Variants in NIFK observed in about 807,000 individuals in gnomAD.
NIFK encodes MKI67 FHA domain-interacting nucleolar phosphoprotein.
NIFK carries 16 observed loss-of-function variants against 31.7 expected under a neutral mutation model. The ratio of observed to expected loss-of-function variants is 0.50; its 90% CI spans 0.34 to 0.77. The LOEUF (loss-of-function observed/expected upper bound fraction) is 0.77. NIFK is among the 30% of genes least tolerant of loss of function. The pLI, the probability that NIFK is intolerant of heterozygous loss-of-function variation, is 0.01. For synonymous variants in NIFK, 126 were observed against 123.0 expected (o/e 1.02, Z -0.16); for missense variants, 341 against 350.4 (o/e 0.97, Z 0.21).
Position 121,732,220 on chromosome 2 carries a change from C to T in NIFK, c.244-16G>A, listed in dbSNP as rs761381122. On this transcript the variant is annotated splice_polypyrimidine_tract_variant and intron_variant, in intron 2 of 6. Coordinates refer to ENST00000285814, the MANE Select transcript of NIFK (RefSeq NM_032390.5). ...TATTTCCAGTCTGCAACAGAGAAAC[C>T]GCCACAAAAAGTAGAACAATTAAAT... 2.0e-6 allele frequency: 3 copies of T among 1,478,564 alleles called. No homozygotes were observed. Among genetic ancestry groups the T allele is most frequent in the Non-Finnish European group, 2.8e-6 (3 of 1,063,732 alleles). 91.6% of individuals were successfully genotyped at this position (1,478,564 alleles called of 1,614,324 possible).
chr2:121,731,749 T>C (rs2074542453), intron 3 of NIFK, among the ~76,000 whole-genome samples: 1 of 152,172 alleles, frequency 6.6e-6, no homozygotes, highest in Non-Finnish European at 1.5e-5. Flanking sequence ...TTCACTCCTG[T>C]CCCCTTCACC....
chr2:121,734,654 A>T (rs1423437252), intron 2 of NIFK, among the ~76,000 whole-genome samples: 1 of 152,052 alleles, frequency 6.6e-6, no homozygotes, highest in East Asian at 1.9e-4. Context: ...TTAGCCAGGC[A>T]TGGTGGCAGG....
chr2:121,733,020 T>G (rs2074554978), intron 2 of NIFK, among the ~76,000 whole-genome samples: 1 of 151,828 alleles, frequency 6.6e-6, no homozygotes, highest in East Asian at 1.9e-4. Context: ...AGGCAGAGGT[T>G]GTAGTGAGCT....
chr2:121,733,666 G>A (rs2074559371), intron 2 of NIFK, among the ~76,000 whole-genome samples: 1 of 151,976 alleles, frequency 6.6e-6, no homozygotes, highest in Admixed American at 6.6e-5. Context: ...GGGCGACAGA[G>A]TGAGACTCCG....
rs766181916 is a variant in NIFK at position 121,735,766 on chromosome 2, C to A, written c.106-16G>T. ...GTTTTTTTCGCTAAAGACGTAAAGACCAGGTAAATTAAATATATAAATAAG... is the reference window on the plus strand; with the variant it reads ...GTTTTTTTCGCTAAAGACGTAAAGAACAGGTAAATTAAATATATAAATAAG... On this transcript the variant is annotated splice_polypyrimidine_tract_variant and intron_variant, in intron 1 of 6. Coordinates refer to ENST00000285814, the MANE Select transcript of NIFK (RefSeq NM_032390.5). The A allele has an allele frequency of 3.4e-5, 54 of 1,600,856 alleles. No individual in the cohort carries two copies. The highest frequency in any genetic ancestry group is 4.3e-5 in the Non-Finnish European group (50 of 1,173,972).
intron 1 of NIFK, 119 bp downstream of exon 1, chr2:121,736,627 G>A: frequency 2.5e-6 from 2 of 801,852 alleles, no homozygotes; most frequent in Non-Finnish European, 4.3e-6. Flanking sequence ...AGACCCTGGA[G>A]GTAATGAAGG....
intron 2 of NIFK, among the ~76,000 whole-genome samples, chr2:121,733,229 A>AT (rs1329247234): frequency 6.6e-6 from 1 of 151,934 alleles, no homozygotes; most frequent in Non-Finnish European, 1.5e-5. Context: ...AAATACAAAA[A>AT]TTAGGCCGGG....
chr2:121,731,391 T>C (rs904666111), intron 3 of NIFK, among the ~76,000 whole-genome samples: 1 of 152,218 alleles, frequency 6.6e-6, no homozygotes, highest in Admixed American at 6.5e-5. Flanking sequence ...GGATGCTCTC[T>C]GCACCCTATG....
chr2:121,727,634 A>G lies in NIFK; in HGVS notation c.*90T>C. On this transcript the variant is annotated 3_prime_UTR_variant, in exon 7 of 7. Transcript: ENST00000285814. ...GTATTTTTCCTCTGAAAATCTTGTC[A>G]AAGGTTGTATTCCATTGTACCTAGT... 1 of 1,024,006 alleles carries G rather than the reference A, an allele frequency of 9.8e-7. No individual in the cohort carries two copies. The highest frequency in any genetic ancestry group is 1.5e-6 in the Non-Finnish European group (1 of 677,536). 63.4% of individuals were successfully genotyped at this position (1,024,006 alleles called of 1,614,324 possible). A position where few individuals can be genotyped will look rare whatever the true frequency, so the allele number is the denominator to read the frequency against.
chr2:121,731,077 T>C lies in NIFK; in HGVS notation c.380A>G (p.His127Arg), dbSNP rs758463007. The change falls in exon 4 of 7, where the codon CAT becomes CGT. Residue 127 changes from histidine to arginine, a missense_variant. Physicochemically the swap from His to Arg is conservative, Grantham distance 29. Coordinates refer to ENST00000285814, the MANE Select transcript of NIFK (RefSeq NM_032390.5). ...ECHFMPPEKV[H>R]KELFKDWNIP... is the part of the protein sequence containing the mutation. ...ATTCCAGTCTTTAAAGAGTTCTTTA[T>C]GTACTTTTTCAGGTGGCATAAAATG... 2.5e-6 allele frequency: 4 copies of C among 1,588,554 alleles called. No homozygotes were observed. The highest frequency in any genetic ancestry group is 3.7e-5 in the Admixed American group (2 of 54,258).
chr2:121,728,570 T>A (rs749947742), intron 4 of NIFK, 34 bp from the exon 5 acceptor site: 3 of 1,227,004 alleles, frequency 2.4e-6, no homozygotes, highest in Non-Finnish European at 2.3e-6. Flanking sequence ...GACACTCATA[T>A]CTTTTCTTTC....
intron 2 of NIFK, 130 bp downstream of exon 2, chr2:121,735,483 A>T (rs572981183): frequency 2.0e-6 from 2 of 1,002,540 alleles, no homozygotes; most frequent in Non-Finnish European, 1.5e-6. Context: ...TTCAGATTCT[A>T]AACCTCCTCC....
intron 2 of NIFK, among the ~76,000 whole-genome samples, chr2:121,734,447 A>G (rs1367185319): frequency 6.6e-6 from 1 of 152,298 alleles, no homozygotes; most frequent in South Asian, 2.1e-4. Flanking sequence ...ATATGTACAC[A>G]TATGTATTCT....
At chr2:121,735,914 CA>C (rs2106444204) in intron 1 of NIFK, 164 bp from the exon 2 acceptor site, 1 of 596,806 alleles carries the variant, frequency 1.7e-6, no homozygotes, top group African/African-American at 1.9e-5. Flanking sequence ...AGGCCATGGT[CA>C]AGCAGTAGTC....
chr2:121,730,681 TA>T (rs34184852), intron 4 of NIFK: 1 of 538,154 alleles, frequency 1.9e-6, no homozygotes, highest in Non-Finnish European at 3.3e-6. Flanking sequence ...CCGTCTCTAC[TA>T]AAAATACAAA....
chr2:121,730,223 A>C (rs151156807), intron 4 of NIFK, among the ~76,000 whole-genome samples: 3,968 of 151,630 alleles, frequency 0.026, 63 homozygotes, highest in Middle Eastern at 0.038. Context: ...GTCTCAAAAA[A>C]CAAAACAAAA....
chr2:121,730,870 A>T lies in NIFK; in HGVS notation c.564+23T>A, dbSNP rs201283953. On this transcript the variant is annotated intron_variant, in intron 4 of 6. Coordinates refer to ENST00000285814, the MANE Select transcript of NIFK (RefSeq NM_032390.5). Reference sequence around the variant, plus strand: ...CCTCCCCTCCCCACAACAAACCACAAAAAAGATTTCACGAATATTTACCAA... The same window carrying T: ...CCTCCCCTCCCCACAACAAACCACATAAAAGATTTCACGAATATTTACCAA... 5 of 1,569,594 alleles carry T rather than the reference A, an allele frequency of 3.2e-6. No individual in the cohort carries two copies. The East Asian group carries it at 1.1e-4, about 35-fold the overall frequency.
At chr2:121,731,483 G>A (rs1277879494) in intron 3 of NIFK, among the ~76,000 whole-genome samples, 1 of 152,154 alleles carries the variant, frequency 6.6e-6, no homozygotes, top group Admixed American at 6.5e-5. Flanking sequence ...ACTCCCTCTG[G>A]CTTCTCTCGT....
intron 4 of NIFK, among the ~76,000 whole-genome samples, chr2:121,729,163 C>G (rs2106441565): frequency 6.6e-6 from 1 of 152,098 alleles, no homozygotes; most frequent in East Asian, 1.9e-4. Flanking sequence ...AGTTCGAGAC[C>G]AGCCTGGCTA....
Sources: gnomAD v4.1 joint callset for allele counts (sites outside exome capture counted in the v4.1 genomes callset) on GRCh38, gnomAD v4.1.1 for gene constraint, MANE v1.5 for transcripts, NCBI Gene and HGNC (gene_info 2026-07-23, HGNC 2026-07-21) for gene names.